Variants in SIL1 observed in about 807,000 individuals in gnomAD.
SIL1 encodes the protein SIL1 nucleotide exchange factor, also known as nucleotide exchange factor SIL1.
In SIL1, 40 loss-of-function variants were observed where a neutral mutation model predicts 49.1. That is an observed-to-expected ratio of 0.81 (90% CI 0.63 to 1.06). SIL1 has a LOEUF of 1.06. Ranked by LOEUF, SIL1 falls within the 50% of genes least tolerant of loss-of-function variation. The pLI, the probability that SIL1 is intolerant of heterozygous loss-of-function variation, is 0.00. For missense variants in SIL1, 500 were observed against 572.6 expected (o/e 0.87, Z 1.29); for synonymous variants, 253 against 250.8 (o/e 1.01, Z -0.08).
intron 9 of SIL1, among the ~76,000 whole-genome samples, chr5:138,950,696 G>C (rs989863237): frequency 6.6e-6 from 1 of 152,198 alleles, no homozygotes; most frequent in African/African-American, 2.4e-5. Flanking sequence ...CTCCTCCCAA[G>C]TGGCAAGCAA....
At chr5:139,156,992 A>G (rs910982803) in intron 1 of SIL1, among the ~76,000 whole-genome samples, 1 of 152,110 alleles carries the variant, frequency 6.6e-6, no homozygotes, top group South Asian at 2.1e-4. Context: ...CTCCTTTTCT[A>G]TACACAGCCT....
chr5:138,996,902 A>G (rs530696379), intron 7 of SIL1, among the ~76,000 whole-genome samples: 75 of 152,234 alleles, frequency 4.9e-4, no homozygotes, highest in Non-Finnish European at 6.9e-4. Flanking sequence ...ACACAAAAAA[A>G]TCTTTGCCCA....
chr5:139,074,917 C>T (rs1769914060), intron 3 of SIL1, among the ~76,000 whole-genome samples: 1 of 152,082 alleles, frequency 6.6e-6, no homozygotes, highest in Non-Finnish European at 1.5e-5. Flanking sequence ...CTCCGCCTCC[C>T]GGATTCAAGC....
intron 1 of SIL1, among the ~76,000 whole-genome samples, chr5:139,186,795 C>CA (rs938250399): frequency 1.3e-5 from 2 of 152,172 alleles, no homozygotes; most frequent in African/African-American, 2.4e-5. Flanking sequence ...GGATTGGATG[C>CA]ATGAAGAGGA....
At chr5:139,038,662 AC>A (rs1768971977) in intron 5 of SIL1, among the ~76,000 whole-genome samples, 3 of 152,186 alleles carry the variant, frequency 2.0e-5, no homozygotes, top group Admixed American at 2.0e-4. Flanking sequence ...AAACAACTTC[AC>A]CTGCCACCAC....
intron 1 of SIL1, among the ~76,000 whole-genome samples, chr5:139,133,160 A>T (rs1750900988): frequency 6.6e-6 from 1 of 151,498 alleles, no homozygotes; most frequent in South Asian, 2.1e-4. Flanking sequence ...AAATACCATC[A>T]CTCTGTCCAG....
chr5:138,982,118 A>G (rs1453877641), intron 7 of SIL1, among the ~76,000 whole-genome samples: 1 of 152,220 alleles, frequency 6.6e-6, no homozygotes, highest in Non-Finnish European at 1.5e-5. Flanking sequence ...TTTTCTAAAT[A>G]TTCTTCATGT....
chr5:139,191,420 G>T (rs1002798181), intron 1 of SIL1, among the ~76,000 whole-genome samples: 2 of 152,004 alleles, frequency 1.3e-5, no homozygotes, highest in African/African-American at 4.8e-5. Context: ...TCAGATGGCT[G>T]CTTTCCCCTT....
intron 7 of SIL1, among the ~76,000 whole-genome samples, chr5:138,961,952 CT>C (rs10593901): frequency 0.058 from 6,994 of 119,700 alleles, 497 homozygotes; most frequent in African/African-American, 0.2. Flanking sequence ...GTTCTCTAGA[CT>C]TTTTTTTTTT....
At chr5:138,991,750 TAACA>T (rs1245556550) in intron 7 of SIL1, among the ~76,000 whole-genome samples, 5 of 152,308 alleles carry the variant, frequency 3.3e-5, no homozygotes, top group East Asian at 1.9e-4. Flanking sequence ...GATCAGAATT[TAACA>T]AACAAACACT....
intron 1 of SIL1, among the ~76,000 whole-genome samples, chr5:139,150,165 C>T (rs1244448164): frequency 1.3e-5 from 2 of 152,148 alleles, no homozygotes; most frequent in Non-Finnish European, 2.9e-5. Flanking sequence ...CCATAGTGGC[C>T]TAAACCCCAG....
At chr5:139,142,975 A>G (rs901383075) in intron 1 of SIL1, among the ~76,000 whole-genome samples, 9 of 151,940 alleles carry the variant, frequency 5.9e-5, no homozygotes, top group African/African-American at 2.2e-4. Flanking sequence ...TCACTGTGTT[A>G]GCCAGGATGG....
chr5:138,955,316 A>C (rs149027422), intron 7 of SIL1, among the ~76,000 whole-genome samples: 6 of 152,322 alleles, frequency 3.9e-5, no homozygotes, highest in Admixed American at 6.5e-5. Flanking sequence ...TACCATTAGC[A>C]CTTGGATTAC....
At chr5:139,035,352 A>G in intron 5 of SIL1, 1 of 533,530 alleles carries the variant, frequency 1.9e-6, no homozygotes, top group South Asian at 1.4e-5. Context: ...ACTGTGTTTG[A>G]TGTTTTTCCA....
At position 139,050,992 on chromosome 5, in the gene SIL1, C is replaced by T. The variant is rs1769272068; in HGVS notation, c.299G>A (p.Arg100Lys). 3 of 1,614,084 alleles carry T rather than the reference C, an allele frequency of 1.9e-6. No homozygotes were observed. The highest frequency in any genetic ancestry group is 2.5e-6 in the Non-Finnish European group (3 of 1,180,034). Reference sequence around the variant, plus strand: ...GTCCTCATATTGGAGTTTTGCCTCTCTTTCCCCAGTCTGAAGATTCAGCCG... The same window carrying T: ...GTCCTCATATTGGAGTTTTGCCTCTTTTTCCCCAGTCTGAAGATTCAGCCG... Reference protein sequence around the residue: ...HVRLNLQTGEREAKLQYEDKF... With the variant: ...HVRLNLQTGEKEAKLQYEDKF... Residue 100 changes from arginine (R) to lysine (K), a missense_variant, in exon 4 of 10, where the codon AGA (arginine) becomes AAA (lysine). Coordinates refer to ENST00000394817, the MANE Select transcript of SIL1 (RefSeq NM_022464.5).
chr5:139,004,924 G>A (rs1440097584), intron 7 of SIL1, among the ~76,000 whole-genome samples: 1 of 152,176 alleles, frequency 6.6e-6, no homozygotes, highest in African/African-American at 2.4e-5. Flanking sequence ...TAAAAGTAGA[G>A]TAGAATGGTA....
intron 7 of SIL1, among the ~76,000 whole-genome samples, chr5:139,014,746 A>G (rs572051970): frequency 4.6e-5 from 7 of 152,346 alleles, no homozygotes; most frequent in Non-Finnish European, 8.8e-5. Context: ...TGACTATCCA[A>G]TTTCCTAGGC....
chr5:138,958,804 G>A (rs776943181), intron 7 of SIL1, among the ~76,000 whole-genome samples: 3 of 150,808 alleles, frequency 2.0e-5, no homozygotes, highest in Non-Finnish European at 4.4e-5. Context: ...GTACCATGAT[G>A]TTTGTCAAAT....
At chr5:138,979,383 A>G (rs979656963) in intron 7 of SIL1, among the ~76,000 whole-genome samples, 1 of 152,242 alleles carries the variant, frequency 6.6e-6, no homozygotes, top group African/African-American at 2.4e-5. Context: ...AATTTTGATG[A>G]CATACTGACT....
Sources: gnomAD v4.1 joint callset for allele counts (sites outside exome capture counted in the v4.1 genomes callset) on GRCh38, gnomAD v4.1.1 for gene constraint, MANE v1.5 for transcripts, NCBI Gene and HGNC (gene_info 2026-07-23, HGNC 2026-07-21) for gene names.